LGALS8: variants seen among roughly 807,000 people sequenced by gnomAD.
The protein encoded by LGALS8 is galectin 8, also known as galectin-8.
In LGALS8, 30 loss-of-function variants were observed where a neutral mutation model predicts 35.9. That is an observed-to-expected ratio of 0.83 (90% CI 0.62 to 1.13). The LOEUF (loss-of-function observed/expected upper bound fraction) is 1.13. Among genes scored for constraint, LGALS8 ranks in the 50% most tolerant of loss-of-function variants. The pLI is 0.00. For synonymous variants in LGALS8, 138 were observed against 136.1 expected, an observed-to-expected ratio of 1.01 and a Z score of -0.10; for missense variants, 366 against 388.7, an observed-to-expected ratio of 0.94 and a Z score of 0.49.
At chr1:236,523,900 G>A (rs1296967488), upstream of LGALS8, 5 of 349,234 alleles carry the variant, frequency 1.4e-5, no homozygotes, top group Non-Finnish European at 2.9e-5. Flanking sequence ...CGGGGAGGGT[G>A]GGGAGACCAC....
rs1402349333 is a variant in LGALS8 at position 236,525,974 on chromosome 1, T to C, written c.-97T>C. The C allele has an allele frequency of 1.2e-6, 1 of 850,590 alleles. No homozygotes were observed. The highest frequency in any genetic ancestry group is 2.0e-6 in the Non-Finnish European group (1 of 510,686). The allele number at this position is 850,590 out of a possible 1,614,324, so 52.7% of individuals were successfully genotyped here. On this transcript the variant is annotated 5_prime_UTR_variant, in exon 2 of 10. Coordinates refer to ENST00000366584, the MANE Select transcript of LGALS8 (RefSeq NM_201544.4). Reference sequence around the variant, plus strand: ...CTATTTTTACTTTACACAGGGCCAGTGCCTCAGTTTCAATCCAGGTAACCT... The same window carrying C: ...CTATTTTTACTTTACACAGGGCCAGCGCCTCAGTTTCAATCCAGGTAACCT...
rs1307686589 is a variant in LGALS8, at chr1:236,550,292, CT to C, written c.*2132del. 1 of 152,176 alleles carries C rather than the reference CT, an allele frequency of 6.6e-6. No homozygotes were observed. Among genetic ancestry groups the C allele is most frequent in the African/African-American group, 2.4e-5 (1 of 41,420 alleles). 9.4% of individuals were successfully genotyped at this position (152,176 alleles called of 1,614,324 possible). On this transcript the variant is annotated 3_prime_UTR_variant, in exon 10 of 10. Transcript: ENST00000366584. ...TAGAAGCAGCGTGTTGCCTTCATCT[CT>C]CCCGTTTCCCAAAAGAACAAAGGAT...
At position 236,542,562 on chromosome 1, in the gene LGALS8, C is replaced by G. The variant is rs536544950; in HGVS notation, c.523-199C>G. On this transcript the variant is annotated intron_variant, in intron 6 of 9. Transcript: ENST00000366584. ...GACTCAGATGAACAGGGATATCAGA[C>G]TCTCTTCTCAACCCGTGTAGCCCTT... The G allele has an allele frequency of 2.1e-5, 13 of 609,002 alleles. No homozygotes were observed. In the Admixed American group the frequency reaches 3.5e-4, roughly 16 times the overall value. The allele number at this position is 609,002 out of a possible 1,614,324, so 37.7% of individuals were successfully genotyped here.
rs1662765286 is a variant in LGALS8, at chr1:236,551,926, T to C, written c.*3765T>C. 1 of 969,222 alleles carries C rather than the reference T, an allele frequency of 1.0e-6. No individual in the cohort carries two copies. The highest frequency in any genetic ancestry group is 1.4e-5 in the South Asian group (1 of 72,606). 60.0% of individuals were successfully genotyped at this position (969,222 alleles called of 1,614,324 possible). ...GTTATATCCAAATCTGCATTATCAT[T>C]GGGCACATTTTCACAGAATTTTACT... On this transcript the variant is annotated 3_prime_UTR_variant, in exon 10 of 10. Coordinates refer to ENST00000366584, the MANE Select transcript of LGALS8 (RefSeq NM_201544.4).
intron 9 of LGALS8, among the ~76,000 whole-genome samples, chr1:236,545,569 G>A (rs1572019915): frequency 1.3e-5 from 2 of 152,312 alleles, no homozygotes; most frequent in South Asian, 2.1e-4. Context: ...ATTGGTTTAG[G>A]TTATCATTCT....
chr1:236,551,024 C>T lies in LGALS8; in HGVS notation c.*2863C>T, dbSNP rs143738830. 1.7e-5 allele frequency: 25 copies of T among 1,485,816 alleles called. No individual in the cohort carries two copies. In the East Asian group the frequency reaches 4.9e-4, roughly 29 times the overall value. The allele number at this position is 1,485,816 out of a possible 1,614,324, so 92.0% of individuals were successfully genotyped here. A position where few individuals can be genotyped will look rare whatever the true frequency, so the allele number is the denominator to read the frequency against. On this transcript the variant is annotated 3_prime_UTR_variant, in exon 10 of 10. Transcript: ENST00000366584. ...AAAAAAAAAAAATCAAAATTAAAAT[C>T]TGAGTCAGTCCGCCTGCCTCGGTTC...
chr1:236,545,061 T>TCC, intron 9 of LGALS8, 146 bp downstream of exon 9: 8 of 592,722 alleles, frequency 1.3e-5, no homozygotes, highest in Non-Finnish European at 1.7e-5. Context: ...ATTTGCCCCT[T>TCC]TTTATAACGT....
At chr1:236,522,557 G>T (rs988636045), upstream of LGALS8, among the ~76,000 whole-genome samples, 4 of 152,156 alleles carry the variant, frequency 2.6e-5, no homozygotes, top group Non-Finnish European at 5.9e-5. Flanking sequence ...GGCGGGGCTG[G>T]GGGGAGACTC....
At chr1:236,540,822 A>G in intron 5 of LGALS8, 139 bp downstream of exon 5, 1 of 799,984 alleles carries the variant, frequency 1.3e-6, no homozygotes, top group Non-Finnish European at 1.9e-6. Context: ...TTGGAAGTGA[A>G]CTGTTCACAC....
chr1:236,545,608 GAC>G (rs1339361999), intron 9 of LGALS8, among the ~76,000 whole-genome samples: 2 of 152,168 alleles, frequency 1.3e-5, no homozygotes, highest in African/African-American at 4.8e-5. Context: ...ACATTGTCTG[GAC>G]CATGTGGGTT....
At position 236,528,546 on chromosome 1, in the gene LGALS8, A is replaced by ATTTTTT. The variant is rs61261486; in HGVS notation, c.45+2449_45+2454dup. Among the ~76,000 whole-genome samples, 464 of 104,198 alleles carry ATTTTTT rather than the reference A, an allele frequency of 4.5e-3. 8 individuals carry two copies. The highest frequency in any genetic ancestry group is 0.017 in the African/African-American group (448 of 27,102). 68.4% of individuals were successfully genotyped at this position (104,198 alleles called of 152,430 possible). On this transcript the variant is annotated intron_variant, in intron 2 of 9. Transcript: ENST00000366584. Reference sequence around the variant, plus strand: ...AATTTTTATTTCATTAATGTTTCCAATTTTTTTTTTTTTTTTTTTTTTTAA... The same window carrying ATTTTTT: ...AATTTTTATTTCATTAATGTTTCCAATTTTTTTTTTTTTTTTTTTTTTTTTTTTTAA...
chr1:236,531,391 T>G (rs1661134198), intron 2 of LGALS8, among the ~76,000 whole-genome samples: 1 of 152,208 alleles, frequency 6.6e-6, no homozygotes, highest in South Asian at 2.1e-4. Flanking sequence ...TGGCATGATC[T>G]TGGCTTACTG....
intron 5 of LGALS8, 32 bp downstream of exon 5, chr1:236,540,715 A>C: frequency 6.4e-7 from 1 of 1,573,382 alleles, no homozygotes. Context: ...GGGGTCTTTT[A>C]TGAGGATGGT....
chr1:236,530,105 A>G (rs1219862972), intron 2 of LGALS8, among the ~76,000 whole-genome samples: 3 of 152,238 alleles, frequency 2.0e-5, no homozygotes, highest in African/African-American at 7.2e-5. Flanking sequence ...TTCTTAAGAT[A>G]TGATTAAATG....
At position 236,548,831 on chromosome 1, in the gene LGALS8, G is replaced by GGCATGACATCTGAGCACAGA; in HGVS notation, c.*671_*690dup. The GGCATGACATCTGAGCACAGA allele has an allele frequency of 2.5e-6, 1 of 397,618 alleles. No homozygotes were observed. 24.6% of individuals were successfully genotyped at this position (397,618 alleles called of 1,614,324 possible). A position where few individuals can be genotyped will look rare whatever the true frequency, so the allele number is the denominator to read the frequency against. On this transcript the variant is annotated 3_prime_UTR_variant, in exon 10 of 10. Coordinates refer to ENST00000366584, the MANE Select transcript of LGALS8 (RefSeq NM_201544.4). ...TAGCTGCAAGCTTTACCAAGTAATTGGCATGACATCTGAGCACAGAAATTA... is the reference window on the plus strand; with the variant it reads ...TAGCTGCAAGCTTTACCAAGTAATTGGCATGACATCTGAGCACAGAGCATGACATCTGAGCACAGAAATTA...
chr1:236,542,658 C>G, intron 6 of LGALS8, 103 bp from the exon 7 acceptor site: 4 of 1,233,846 alleles, frequency 3.2e-6, no homozygotes, highest in Non-Finnish European at 4.8e-6. Context: ...GCAGGAACAT[C>G]CCAGGCTCCG....
In LGALS8 at chr1:236,550,101, G is replaced by A. The variant is rs1662656333; in HGVS notation, c.*1940G>A. On this transcript the variant is annotated 3_prime_UTR_variant, in exon 10 of 10. Coordinates refer to ENST00000366584, the MANE Select transcript of LGALS8 (RefSeq NM_201544.4). Reference sequence around the variant, plus strand: ...ACCATGACCCAGTACTAGAGATTAGGGCACTTCAAAGCATTGAAAAAAATC... The same window carrying A: ...ACCATGACCCAGTACTAGAGATTAGAGCACTTCAAAGCATTGAAAAAAATC... 6.6e-6 allele frequency: 1 copy of A among 152,050 alleles called. No homozygotes were observed. Among genetic ancestry groups the A allele is most frequent in the Non-Finnish European group, 1.5e-5 (1 of 68,002 alleles). The allele number at this position is 152,050 out of a possible 1,614,324, so 9.4% of individuals were successfully genotyped here.
Position 236,548,474 on chromosome 1 carries a change from T to C in LGALS8, c.*313T>C, listed in dbSNP as rs1176866233. On this transcript the variant is annotated 3_prime_UTR_variant, in exon 10 of 10. Transcript: ENST00000366584. ...ACCTACTATAATACAGTAGCTAACA[T>C]GTATTGAGCACAGATTTTTTTTGGT... 1 of 315,198 alleles carries C rather than the reference T, an allele frequency of 3.2e-6. No homozygotes were observed. The highest frequency in any genetic ancestry group is 5.8e-6 in the Non-Finnish European group (1 of 171,532). The allele number at this position is 315,198 out of a possible 1,614,324, so 19.5% of individuals were successfully genotyped here.
intron 1 of LGALS8, chr1:236,524,576 C>T: frequency 2.6e-6 from 1 of 377,994 alleles, no homozygotes; most frequent in Non-Finnish European, 5.4e-6. Context: ...AAGCGCAAGT[C>T]ATGTGACTTC....
Sources: gnomAD v4.1 joint callset for allele counts (sites outside exome capture counted in the v4.1 genomes callset) on GRCh38, gnomAD v4.1.1 for gene constraint, MANE v1.5 for transcripts, NCBI Gene and HGNC (gene_info 2026-07-23, HGNC 2026-07-21) for gene names.